The following KIAA0232 variants were observed in gnomAD, a reference collection of about 807,000 sequenced individuals.
KIAA0232 encodes KIAA0232.
A neutral mutation model predicts 122.0 loss-of-function variants in KIAA0232; 27 were observed. The ratio of observed to expected loss-of-function variants is 0.22; its 90% CI spans 0.16 to 0.31. KIAA0232 has a LOEUF of 0.31. Ranked by LOEUF, KIAA0232 falls within the 10% of genes least tolerant of loss-of-function variation. The probability of loss-of-function intolerance (pLI) is 1.00; values close to 1 mark genes in which losing one functional copy is unlikely to be tolerated. For synonymous variants in KIAA0232, 613 were observed against 587.6 expected, an observed-to-expected ratio of 1.04 and a Z score of -0.63; for missense variants, 1,551 against 1,634.2, an observed-to-expected ratio of 0.95 and a Z score of 0.88.
intron 4 of KIAA0232, among the ~76,000 whole-genome samples, chr4:6,849,772 A>C (rs1027501656): frequency 6.6e-6 from 1 of 152,182 alleles, no homozygotes; most frequent in Non-Finnish European, 1.5e-5. Flanking sequence ...GTCTCCAAAA[A>C]AAAAAAAAAG....
In KIAA0232 at chr4:6,880,840, G is replaced by C; in HGVS notation, c.4062G>C (p.Lys1354Asn). ...RCTGERDSGA[K>N]SDGFRGKMCS... is the part of the protein sequence containing the mutation. The stretch of plus-strand genomic sequence containing the variant: ...CAGGAGAGAGAGATTCTGGAGCAAA[G>C]TCAGATGGCTTCCGCGGAAAGATGT... The change falls in exon 10 of 10, where the codon AAG (lysine) becomes AAC (asparagine). Residue 1354 changes from lysine (K) to asparagine (N), a missense_variant. Physicochemically the swap from Lys to Asn is moderately conservative, Grantham distance 94. Transcript: ENST00000307659. 6.2e-7 allele frequency: 1 copy of C among 1,606,558 alleles called. No homozygotes were observed. Among genetic ancestry groups the C allele is most frequent in the Non-Finnish European group, 8.5e-7 (1 of 1,175,820 alleles).
intron 4 of KIAA0232, among the ~76,000 whole-genome samples, chr4:6,856,704 G>A (rs890281378): frequency 1.3e-5 from 2 of 149,342 alleles, no homozygotes; most frequent in East Asian, 1.9e-4. Flanking sequence ...AAATCACCTT[G>A]TTTTCTTCAG....
intron 3 of KIAA0232, among the ~76,000 whole-genome samples, chr4:6,837,403 G>A (rs563479746): frequency 1.9e-4 from 29 of 150,724 alleles, no homozygotes; most frequent in Non-Finnish European, 3.0e-4. Context: ...GATGACGGCC[G>A]GGAAGAGGCG....
At chr4:6,789,643 A>G (rs754323046) in intron 1 of KIAA0232, among the ~76,000 whole-genome samples, 8 of 152,154 alleles carry the variant, frequency 5.3e-5, no homozygotes, top group Non-Finnish European at 8.8e-5. Context: ...GGGCTTTTGC[A>G]TAAACAGATT....
At chr4:6,833,660 A>G (rs1389726902) in intron 3 of KIAA0232, among the ~76,000 whole-genome samples, 2 of 152,282 alleles carry the variant, frequency 1.3e-5, no homozygotes, top group East Asian at 3.9e-4. Flanking sequence ...AAAAAAAGGA[A>G]GAAGAAAGTG....
chr4:6,792,181 T>C (rs1466176096), intron 1 of KIAA0232, among the ~76,000 whole-genome samples: 4 of 152,190 alleles, frequency 2.6e-5, no homozygotes, highest in Non-Finnish European at 5.9e-5. Context: ...AATACACAGA[T>C]CTACTTTAGG....
rs951374079 is a variant in KIAA0232, at chr4:6,883,197, T to C, written c.*2231T>C. 6 of 152,702 alleles carry C rather than the reference T, an allele frequency of 3.9e-5. No homozygotes were observed. The highest frequency in any genetic ancestry group is 7.2e-5 in the African/African-American group (3 of 41,478). The allele number at this position is 152,702 out of a possible 1,614,324, so 9.5% of individuals were successfully genotyped here. A position where few individuals can be genotyped will look rare whatever the true frequency, so the allele number is the denominator to read the frequency against. On this transcript the variant is annotated 3_prime_UTR_variant, in exon 10 of 10. Coordinates refer to ENST00000307659, the MANE Select transcript of KIAA0232 (RefSeq NM_014743.3). ...AAAGTTGGCAAACGCTGAAACGCAC[T>C]GTGGTATGAAGCGCATTGCATTTCC...
intron 4 of KIAA0232, among the ~76,000 whole-genome samples, chr4:6,852,653 C>T (rs1265950997): frequency 6.6e-6 from 1 of 152,130 alleles, no homozygotes; most frequent in African/African-American, 2.4e-5. Context: ...CTAAGTACCC[C>T]AAAACTTAGT....
At chr4:6,802,399 C>T (rs770229860) in intron 1 of KIAA0232, among the ~76,000 whole-genome samples, 12 of 152,164 alleles carry the variant, frequency 7.9e-5, no homozygotes, top group Non-Finnish European at 1.6e-4. Context: ...AGTTGAGGGT[C>T]TGGGTTGTAC....
At chr4:6,820,201 A>C (rs1366342909) in intron 2 of KIAA0232, among the ~76,000 whole-genome samples, 3 of 152,166 alleles carry the variant, frequency 2.0e-5, no homozygotes, top group African/African-American at 7.2e-5. Context: ...CCTCAGCATC[A>C]TGCAACATAC....
In KIAA0232 at chr4:6,880,914, G is replaced by A. The variant is rs748710939; in HGVS notation, c.4136G>A (p.Gly1379Asp). The A allele has an allele frequency of 1.2e-6, 2 of 1,604,936 alleles. No individual in the cohort carries two copies. The highest frequency in any genetic ancestry group is 2.2e-5 in the East Asian group (1 of 44,550). ...GAAGAGACAGGCTCAGAAGGCGGAG[G>A]CGAGTGGGTGGGCCCTAGTGAAGAG... ...TSEETGSEGG[G>D]EWVGPSEEEL... The change falls in exon 10 of 10, where the codon GGC becomes GAC. Residue 1379 changes from glycine to aspartate, a missense_variant. Physicochemically the swap from Gly to Asp is moderately conservative, Grantham distance 94. Transcript: ENST00000307659.
chr4:6,853,924 C>G (rs970261326), intron 4 of KIAA0232, among the ~76,000 whole-genome samples: 1 of 152,128 alleles, frequency 6.6e-6, no homozygotes, highest in Non-Finnish European at 1.5e-5. Context: ...TCTCCATCAT[C>G]ATTTAACTCT....
chr4:6,800,971 CAAATAT>C, intron 1 of KIAA0232, among the ~76,000 whole-genome samples: 1 of 152,150 alleles, frequency 6.6e-6, no homozygotes. Context: ...AGTGGGAATA[CAAATAT>C]AAATATAGAC....
chr4:6,815,878 C>G (rs1055338419), intron 2 of KIAA0232, among the ~76,000 whole-genome samples: 2 of 152,266 alleles, frequency 1.3e-5, no homozygotes, highest in Admixed American at 1.3e-4. Flanking sequence ...GTTCAATATG[C>G]TTTGCTTTAT....
chr4:6,813,959 A>G (rs1717997443), intron 2 of KIAA0232, among the ~76,000 whole-genome samples: 1 of 152,062 alleles, frequency 6.6e-6, no homozygotes, highest in Non-Finnish European at 1.5e-5. Flanking sequence ...GAGCAATGTT[A>G]ATATTGACCC....
intron 4 of KIAA0232, among the ~76,000 whole-genome samples, chr4:6,848,305 C>T (rs753302151): frequency 3.9e-5 from 6 of 152,146 alleles, no homozygotes; most frequent in African/African-American, 9.7e-5. Flanking sequence ...AAGTATGTCA[C>T]GGCAGTGTTT....
At chr4:6,860,206 T>G (rs1002506323) in intron 6 of KIAA0232, among the ~76,000 whole-genome samples, 1 of 152,240 alleles carries the variant, frequency 6.6e-6, no homozygotes, top group Admixed American at 6.5e-5. Flanking sequence ...CTGTTCCAAC[T>G]CATTTTGCAT....
In KIAA0232 at chr4:6,876,486, T is replaced by TA. The variant is rs1297524188; in HGVS notation, c.3911-173dup. 2.0e-5 allele frequency among the ~76,000 whole-genome samples: 3 copies of TA among 152,198 alleles called. No individual in the cohort carries two copies. In the East Asian group the frequency reaches 5.8e-4, roughly 29 times the overall value. ...TGTCAGCATAGCGTTTTTTTTCTCT[T>TA]ACACACCTGCCTGGCTGTGCTTTTA... On this transcript the variant is annotated intron_variant, in intron 8 of 9. Transcript: ENST00000307659.
intron 2 of KIAA0232, among the ~76,000 whole-genome samples, chr4:6,807,040 A>G (rs200077095): frequency 0.25 from 28,299 of 111,874 alleles, 3,458 homozygotes; most frequent in Non-Finnish European, 0.37. Context: ...CTGTCTATCT[A>G]TCTATCTATC....
Sources: allele counts gnomAD v4.1 joint callset (sites outside exome capture counted in the v4.1 genomes callset), GRCh38; gene constraint gnomAD v4.1.1; transcripts MANE v1.5; gene names NCBI Gene and HGNC (gene_info 2026-07-23, HGNC 2026-07-21).